Variants in BRCA2 observed in about 807,000 individuals in gnomAD.
BRCA2 encodes the protein BRCA2 DNA repair associated, also known as breast cancer type 2 susceptibility protein.
BRCA2 carries 203 observed loss-of-function variants against 276.7 expected under a neutral mutation model. That is an observed-to-expected ratio of 0.73 (90% CI 0.65 to 0.82). The LOEUF is 0.82. Ranked by LOEUF, BRCA2 falls within the 40% of genes least tolerant of loss-of-function variation. The pLI is 0.00. For synonymous variants in BRCA2, 1,289 were observed against 1,338.4 expected (o/e 0.96, Z 0.81); for missense variants, 3,920 against 3,915.0 (o/e 1.00, Z -0.03).
chr13:32,332,188 T>C (rs1011043711), intron 9 of BRCA2, 84 bp from the exon 10 acceptor site: 3 of 1,303,424 alleles, frequency 2.3e-6, no homozygotes, highest in Non-Finnish European at 3.2e-6. Flanking sequence ...CTACATAAAC[T>C]GTTTCTATGA....
intron 20 of BRCA2, among the ~76,000 whole-genome samples, chr13:32,373,595 C>T (rs1441631540): frequency 6.6e-6 from 1 of 152,232 alleles, no homozygotes; most frequent in Non-Finnish European, 1.5e-5. Flanking sequence ...TCTAAAATCT[C>T]CTTTGACTCC....
chr13:32,384,855 C>T (rs1366396013), intron 24 of BRCA2: 3 of 284,918 alleles, frequency 1.1e-5, no homozygotes, highest in Admixed American at 3.9e-5. Flanking sequence ...GTGAAACACC[C>T]GAAAGGCCAG....
intron 3 of BRCA2, 109 bp downstream of exon 3, chr13:32,319,434 GTC>G (rs1324855412): frequency 1.8e-6 from 2 of 1,129,522 alleles, no homozygotes; most frequent in Non-Finnish European, 2.6e-6. Flanking sequence ...GGGCAAATCA[GTC>G]TCTCTGGCCT....
chr13:32,329,408 A>G (rs371494517), intron 7 of BRCA2, 35 bp from the exon 8 acceptor site: 11 of 1,496,676 alleles, frequency 7.3e-6, no homozygotes, highest in African/African-American at 1.4e-5. Context: ...CATTCTAGTG[A>G]TAATATACAA....
intron 16 of BRCA2, among the ~76,000 whole-genome samples, chr13:32,358,653 C>G (rs1375540188): frequency 6.6e-6 from 1 of 151,410 alleles, no homozygotes; most frequent in African/African-American, 2.4e-5. Context: ...ATTAGCCCAG[C>G]CAGGCGCGGT....
In BRCA2 at chr13:32,319,057, G is replaced by T. The variant is rs770475551; in HGVS notation, c.68-20G>T. On this transcript the variant is annotated intron_variant, in intron 2 of 26. Coordinates refer to ENST00000380152, the MANE Select transcript of BRCA2 (RefSeq NM_000059.4). Reference sequence around the variant, plus strand: ...GTCTGTCACTGGTTAAAACTAAGGTGGGATTTTTTTTTTAAATAGATTTAG... The same window carrying T: ...GTCTGTCACTGGTTAAAACTAAGGTTGGATTTTTTTTTTAAATAGATTTAG... The T allele has an allele frequency of 4.3e-6, 7 of 1,611,062 alleles. No homozygotes were observed. The highest frequency in any genetic ancestry group is 5.9e-6 in the Non-Finnish European group (7 of 1,179,152).
intron 20 of BRCA2, among the ~76,000 whole-genome samples, chr13:32,371,727 T>C (rs767493786): frequency 1.2e-4 from 18 of 152,282 alleles, no homozygotes; most frequent in Non-Finnish European, 1.5e-4. Context: ...CAGGCATACC[T>C]CAGAGATACT....
intron 13 of BRCA2, among the ~76,000 whole-genome samples, chr13:32,350,537 C>A (rs1398509733): frequency 6.6e-6 from 1 of 152,090 alleles, no homozygotes; most frequent in Admixed American, 6.5e-5. Flanking sequence ...ATCACAAGGT[C>A]AGGAGATCGA....
chr13:32,364,260 G>A (rs1260293151), intron 18 of BRCA2, among the ~76,000 whole-genome samples: 2 of 151,638 alleles, frequency 1.3e-5, no homozygotes, highest in East Asian at 1.9e-4. Context: ...TCAAATCAAT[G>A]CATGTGCATA....
At chr13:32,330,850 A>AG in intron 8 of BRCA2, 69 bp from the exon 9 acceptor site, 2 of 922,036 alleles carry the variant, frequency 2.2e-6, no homozygotes, top group Non-Finnish European at 3.4e-6. Context: ...ACCATGGATA[A>AG]GGGGGGACTA....
rs2073073574 is a variant in BRCA2 at position 32,400,207 on chromosome 13, C to A, written c.*1437C>A. The A allele has an allele frequency of 6.6e-6, 1 of 152,164 alleles. No homozygotes were observed. Among genetic ancestry groups the A allele is most frequent in the South Asian group, 2.1e-4 (1 of 4,824 alleles). 9.4% of individuals were successfully genotyped at this position (152,164 alleles called of 1,614,324 possible). A position where few individuals can be genotyped will look rare whatever the true frequency, so the allele number is the denominator to read the frequency against. On this transcript the variant is annotated 3_prime_UTR_variant, in exon 27 of 27. Transcript: ENST00000380152. Reference sequence around the variant, plus strand: ...AATGCCTTAAATGTCTGTATAATATCATGTTTTCAAATCTAATTATAAATA... The same window carrying A: ...AATGCCTTAAATGTCTGTATAATATAATGTTTTCAAATCTAATTATAAATA...
chr13:32,368,181 G>A (rs1448673846), intron 18 of BRCA2, among the ~76,000 whole-genome samples: 1 of 151,338 alleles, frequency 6.6e-6, no homozygotes, highest in East Asian at 2.0e-4. Flanking sequence ...CACCACACCT[G>A]GCTAATTTTT....
At chr13:32,367,173 A>G (rs2072788781) in intron 18 of BRCA2, among the ~76,000 whole-genome samples, 1 of 152,112 alleles carries the variant, frequency 6.6e-6, no homozygotes, top group Admixed American at 6.6e-5. Flanking sequence ...ACTGGCCCAC[A>G]CCTGTAATCC....
At chr13:32,333,468 T>C in intron 10 of BRCA2, 81 bp downstream of exon 10, 1 of 1,433,424 alleles carries the variant, frequency 7.0e-7, no homozygotes, top group Non-Finnish European at 9.6e-7. Context: ...TTCTGCTTTT[T>C]AAAATCTTCA....
intron 24 of BRCA2, among the ~76,000 whole-genome samples, chr13:32,390,120 T>C (rs1277547429): frequency 6.6e-6 from 1 of 152,194 alleles, no homozygotes; most frequent in African/African-American, 2.4e-5. Flanking sequence ...TATTAGAAAG[T>C]TTCAAGGAGC....
Position 32,398,088 on chromosome 13 carries a change from T to A in BRCA2, c.9649-74T>A, listed in dbSNP as rs2073048227. The A allele has an allele frequency of 8.7e-6, 13 of 1,493,512 alleles. No individual in the cohort carries two copies. In the African/African-American group the frequency reaches 9.8e-5, roughly 11 times the overall value. The allele number at this position is 1,493,512 out of a possible 1,614,324, so 92.5% of individuals were successfully genotyped here. A position where few individuals can be genotyped will look rare whatever the true frequency, so the allele number is the denominator to read the frequency against. On this transcript the variant is annotated intron_variant, in intron 26 of 26. Coordinates refer to ENST00000380152, the MANE Select transcript of BRCA2 (RefSeq NM_000059.4). Reference sequence around the variant, plus strand: ...TATTTGCGTGCTTAAATATTTTCAATGAAAAGTTACTTTGATTTAGTTTTT... The same window carrying A: ...TATTTGCGTGCTTAAATATTTTCAAAGAAAAGTTACTTTGATTTAGTTTTT...
rs374625452 is a variant in BRCA2, at chr13:32,363,262, T to C, written c.8060T>C (p.Val2687Ala). ...ERDDTAAKTL[V>A]LCVSDIISLS... is the part of the protein sequence containing the mutation. ...GATGACACAGCTGCAAAAACACTTG[T>C]TCTCTGTGTTTCTGACATAATTTCA... The change falls in exon 18 of 27, where the codon GTT becomes GCT. Residue 2687 changes from valine (V) to alanine (A), a missense_variant. Physicochemically the swap from Val to Ala is moderately conservative, Grantham distance 64 (BLOSUM62 0). Transcript: ENST00000380152. The C allele has an allele frequency of 1.2e-6, 2 of 1,614,142 alleles. No homozygotes were observed. Among genetic ancestry groups the C allele is most frequent in the East Asian group, 2.2e-5 (1 of 44,880 alleles).
In BRCA2 at chr13:32,355,282, C is replaced by A. The variant is rs80358964; in HGVS notation, c.7429C>A (p.Pro2477Thr). 3.1e-6 allele frequency: 5 copies of A among 1,613,464 alleles called. No individual in the cohort carries two copies. Among genetic ancestry groups the A allele is most frequent in the South Asian group, 1.1e-5 (1 of 90,992 alleles). ...AACTTTCACAAAGTGTGAAGAAGAACCTTTAGGTATTGTATGACAATTTGT... is the reference window on the plus strand; with the variant it reads ...AACTTTCACAAAGTGTGAAGAAGAAACTTTAGGTATTGTATGACAATTTGT... ...AVTFTKCEEE[P>T]LDLITSLQNA... is the part of the protein sequence containing the mutation. The change falls in exon 14 of 27, where the codon CCT (proline) becomes ACT (threonine). Residue 2477 changes from proline to threonine, a missense_variant. Pro to Thr is a conservative substitution (Grantham distance 38). Around this residue, in one of 2 missense-constraint regions of BRCA2, gnomAD observed 3,263 missense variants for 3,156.9 expected, o/e 1.03. Coordinates refer to ENST00000380152, the MANE Select transcript of BRCA2 (RefSeq NM_000059.4).
chr13:32,359,301 C>T (rs2072723530), intron 16 of BRCA2, among the ~76,000 whole-genome samples: 1 of 150,576 alleles, frequency 6.6e-6, no homozygotes, highest in South Asian at 2.1e-4. Context: ...ACACTTACTT[C>T]ATGTTTTCTT....
Sources: allele counts gnomAD v4.1 joint callset (sites outside exome capture counted in the v4.1 genomes callset), GRCh38; gene constraint gnomAD v4.1.1; regional missense constraint gnomAD v4.1.1; transcripts MANE v1.5; gene names NCBI Gene and HGNC (gene_info 2026-07-23, HGNC 2026-07-21).